FMN2: variants seen among roughly 807,000 people sequenced by gnomAD.
FMN2 encodes the protein formin 2, also known as formin-2.
In FMN2, 51 loss-of-function variants were observed where a neutral mutation model predicts 142.3. The ratio of observed to expected loss-of-function variants is 0.36; its 90% CI spans 0.29 to 0.45. The LOEUF (loss-of-function observed/expected upper bound fraction) is 0.45, where lower values mean the gene tolerates loss of function less well. Ranked by LOEUF, FMN2 falls within the 20% of genes least tolerant of loss-of-function variation. The probability of loss-of-function intolerance (pLI) is 1.00; values close to 1 mark genes in which losing one functional copy is unlikely to be tolerated. For synonymous variants in FMN2, 882 were observed against 869.8 expected (o/e 1.01, Z -0.25); for missense variants, 1,936 against 2,122.8 (o/e 0.91, Z 1.73).
intron 15 of FMN2, among the ~76,000 whole-genome samples, chr1:240,416,264 T>C (rs1674572960): frequency 6.8e-6 from 1 of 147,854 alleles, no homozygotes; most frequent in Non-Finnish European, 1.5e-5. Flanking sequence ...TTTCCACTCT[T>C]TTTTTTTTTT....
intron 6 of FMN2, among the ~76,000 whole-genome samples, chr1:240,230,888 C>T (rs922521858): frequency 7.6e-6 from 1 of 131,666 alleles, no homozygotes; most frequent in Non-Finnish European, 1.6e-5. Context: ...AGTTGAAATC[C>T]ACTTGCAGCT....
chr1:240,417,161 C>T (rs544741562), intron 15 of FMN2, among the ~76,000 whole-genome samples: 1 of 148,284 alleles, frequency 6.7e-6, no homozygotes, highest in South Asian at 2.2e-4. Flanking sequence ...AGTATGGAAC[C>T]TGTCTTAGTA....
chr1:240,256,838 C>A (rs1331492703), intron 6 of FMN2, among the ~76,000 whole-genome samples: 2 of 152,180 alleles, frequency 1.3e-5, no homozygotes, highest in Non-Finnish European at 2.9e-5. Flanking sequence ...TTATTCCTCA[C>A]CCCCATCCGT....
chr1:240,255,090 C>T (rs1361411388), intron 6 of FMN2, among the ~76,000 whole-genome samples: 2 of 152,118 alleles, frequency 1.3e-5, no homozygotes, highest in Non-Finnish European at 2.9e-5. Context: ...CTGCTGGGGT[C>T]GCTCACTTAA....
chr1:240,277,710 T>C (rs1171483608), intron 7 of FMN2, among the ~76,000 whole-genome samples: 5 of 151,852 alleles, frequency 3.3e-5, no homozygotes, highest in Non-Finnish European at 4.4e-5. Flanking sequence ...TTTTTTTGTA[T>C]TTTTAGTAGA....
chr1:240,274,143 A>G (rs761658951), intron 7 of FMN2, among the ~76,000 whole-genome samples: 4 of 152,088 alleles, frequency 2.6e-5, no homozygotes, highest in Non-Finnish European at 5.9e-5. Context: ...GGATACAGAA[A>G]TAAAGACAGA....
At chr1:240,209,920 G>A (rs570523149) in intron 5 of FMN2, among the ~76,000 whole-genome samples, 260 of 151,530 alleles carry the variant, frequency 1.7e-3, no homozygotes, top group African/African-American at 5.9e-3. Context: ...AAGTAAGTAA[G>A]TAAATAAATA....
In FMN2 at chr1:240,207,692, CG is replaced by C; in HGVS notation, c.2884del (p.Ala962GlnfsTer313). The C allele has an allele frequency of 7.0e-7, 1 of 1,433,428 alleles. No individual in the cohort carries two copies. Among genetic ancestry groups the C allele is most frequent in the Non-Finnish European group, 9.6e-7 (1 of 1,038,724 alleles). 88.8% of individuals were successfully genotyped at this position (1,433,428 alleles called of 1,614,324 possible). A position where few individuals can be genotyped will look rare whatever the true frequency, so the allele number is the denominator to read the frequency against. On this transcript the variant is annotated frameshift_variant, in exon 5 of 18. Transcript: ENST00000319653. LOFTEE classifies it high-confidence loss of function. ...CAATACCCCCTCCGCCCCCTCTTCC[CG>C]GGGCAGGCATACCCCTTCCTCCCCC... is the stretch of plus-strand genomic sequence containing the variant. ...AAIPPPPPLP[G>X]AGIPLPPPLP... is the part of the protein sequence containing the mutation.
chr1:240,442,912 T>G (rs1310560394), intron 16 of FMN2, among the ~76,000 whole-genome samples: 1 of 152,206 alleles, frequency 6.6e-6, no homozygotes, highest in Non-Finnish European at 1.5e-5. Flanking sequence ...AAGAGTCAGT[T>G]TCCTAATCTG....
intron 1 of FMN2, among the ~76,000 whole-genome samples, chr1:240,119,362 G>C (rs922094225): frequency 2.0e-5 from 3 of 151,278 alleles, no homozygotes; most frequent in Non-Finnish European, 2.9e-5. Flanking sequence ...CACCTGAGAC[G>C]ATTGCAGGGC....
intron 16 of FMN2, among the ~76,000 whole-genome samples, chr1:240,441,832 T>C (rs568071872): frequency 3.9e-5 from 6 of 152,130 alleles, no homozygotes; most frequent in Non-Finnish European, 7.4e-5. Context: ...GGAACAGACA[T>C]GGAAATAAGA....
chr1:240,310,674 G>GT (rs1348465546), intron 8 of FMN2, among the ~76,000 whole-genome samples: 1 of 152,152 alleles, frequency 6.6e-6, no homozygotes, highest in Non-Finnish European at 1.5e-5. Context: ...TTTACAGTTG[G>GT]TTAACTATAT....
chr1:240,202,333 C>A (rs911418959), intron 4 of FMN2, among the ~76,000 whole-genome samples: 1 of 151,990 alleles, frequency 6.6e-6, no homozygotes, highest in Admixed American at 6.6e-5. Context: ...AAAAAAATCC[C>A]AGGAATCTTC....
chr1:240,418,039 C>G (rs758356196), intron 15 of FMN2, among the ~76,000 whole-genome samples: 94 of 152,120 alleles, frequency 6.2e-4, no homozygotes, highest in Admixed American at 9.2e-4. Flanking sequence ...TTCACATTTT[C>G]CTGGCATATA....
chr1:240,425,870 C>T (rs1411776356), intron 15 of FMN2, among the ~76,000 whole-genome samples: 7 of 152,208 alleles, frequency 4.6e-5, no homozygotes, highest in African/African-American at 1.7e-4. Context: ...TTTGTCTTCA[C>T]TCTGCCATGA....
At chr1:240,344,746 A>G (rs1331465562) in intron 13 of FMN2, among the ~76,000 whole-genome samples, 1 of 152,226 alleles carries the variant, frequency 6.6e-6, no homozygotes, top group Non-Finnish European at 1.5e-5. Flanking sequence ...TGCTGTTCTG[A>G]CCCAGCTGTC....
rs1047439817 is a variant in FMN2 at position 240,474,276 on chromosome 1, C to A, written c.*122C>A. The A allele has an allele frequency of 1.1e-6, 1 of 914,724 alleles. No homozygotes were observed. The highest frequency in any genetic ancestry group is 1.6e-6 in the Non-Finnish European group (1 of 632,096). The allele number at this position is 914,724 out of a possible 1,614,324, so 56.7% of individuals were successfully genotyped here. On this transcript the variant is annotated 3_prime_UTR_variant, in exon 18 of 18. Transcript: ENST00000319653. ...GTTTCTTCTTGACCTCTTGCATAAT[C>A]TTTTTGTTTTCTAGACAGTTCACTA...
At chr1:240,182,463 T>G (rs1015459539) in intron 3 of FMN2, among the ~76,000 whole-genome samples, 2 of 151,972 alleles carry the variant, frequency 1.3e-5, no homozygotes, top group African/African-American at 2.4e-5. Context: ...CTGCAAGGAA[T>G]AAAAGAAAAG....
chr1:240,175,269 T>G (rs1006374005), intron 2 of FMN2, among the ~76,000 whole-genome samples: 2 of 152,230 alleles, frequency 1.3e-5, no homozygotes, highest in African/African-American at 4.8e-5. Flanking sequence ...TCGGCTGTTG[T>G]GAACATGCTG....
Sources: gnomAD v4.1 joint callset for allele counts (sites outside exome capture counted in the v4.1 genomes callset) on GRCh38, gnomAD v4.1.1 for gene constraint, MANE v1.5 for transcripts, NCBI Gene and HGNC (gene_info 2026-07-23, HGNC 2026-07-21) for gene names.